PDZRN4: variants seen among roughly 807,000 people sequenced by gnomAD.
PDZRN4 encodes the protein PDZ domain containing ring finger 4.
A neutral mutation model predicts 99.0 loss-of-function variants in PDZRN4; 70 were observed. The observed-to-expected ratio is 0.71, with a 90% CI of 0.58 to 0.86. The LOEUF (loss-of-function observed/expected upper bound fraction) is 0.86. PDZRN4 is among the 40% of genes least tolerant of loss of function. The pLI is 0.00. For synonymous variants in PDZRN4, 551 were observed against 501.6 expected, an observed-to-expected ratio of 1.10 and a Z score of -1.32; for missense variants, 1,474 against 1,331.2, an observed-to-expected ratio of 1.11 and a Z score of -1.67.
intron 5 of PDZRN4, among the ~76,000 whole-genome samples, chr12:41,512,527 G>A (rs1284986495): frequency 6.6e-6 from 1 of 152,042 alleles, no homozygotes; most frequent in Non-Finnish European, 1.5e-5. Flanking sequence ...ACAAGGAGTA[G>A]CAAAGAGACC....
chr12:41,312,278 C>A (rs1475032579), intron 3 of PDZRN4, among the ~76,000 whole-genome samples: 3 of 150,000 alleles, frequency 2.0e-5, no homozygotes, highest in South Asian at 2.1e-4. Context: ...AAAAAAAAAA[C>A]ACACATACAC....
intron 3 of PDZRN4, among the ~76,000 whole-genome samples, chr12:41,397,946 G>A (rs78565178): frequency 0.012 from 1,807 of 152,140 alleles, 41 homozygotes; most frequent in African/African-American, 0.041. Context: ...AAAAAAATAG[G>A]CATTAGAGTC....
intron 7 of PDZRN4, among the ~76,000 whole-genome samples, chr12:41,563,196 C>T (rs1939303013): frequency 6.6e-6 from 1 of 152,102 alleles, no homozygotes; most frequent in Non-Finnish European, 1.5e-5. Context: ...TCCTTCTTCC[C>T]CCAGCACTAT....
intron 3 of PDZRN4, among the ~76,000 whole-genome samples, chr12:41,498,177 C>T (rs2120650467): frequency 1.3e-5 from 2 of 151,964 alleles, no homozygotes; most frequent in Middle Eastern, 3.4e-3. Flanking sequence ...TTAACATCAC[C>T]AGTAATAGAC....
intron 3 of PDZRN4, among the ~76,000 whole-genome samples, chr12:41,461,913 A>AC (rs1256803712): frequency 6.6e-6 from 1 of 151,584 alleles, no homozygotes; most frequent in African/African-American, 2.4e-5. Context: ...CTCTCACCCA[A>AC]CCCCCCATGC....
chr12:41,339,061 GA>G (rs904157722), intron 3 of PDZRN4, among the ~76,000 whole-genome samples: 5 of 147,574 alleles, frequency 3.4e-5, no homozygotes, highest in African/African-American at 1.2e-4. Flanking sequence ...CACAGAAATA[GA>G]AAAAAATTTC....
chr12:41,406,125 T>C (rs572435711), intron 3 of PDZRN4, among the ~76,000 whole-genome samples: 4 of 152,136 alleles, frequency 2.6e-5, no homozygotes, highest in Non-Finnish European at 5.9e-5. Flanking sequence ...TAAAAAACAT[T>C]AAATGTATCC....
intron 3 of PDZRN4, among the ~76,000 whole-genome samples, chr12:41,488,256 A>G (rs187755211): frequency 4.9e-4 from 74 of 152,326 alleles, no homozygotes; most frequent in African/African-American, 1.6e-3. Flanking sequence ...AGAAGAGCAC[A>G]TGGAATCTCG....
chr12:41,389,386 G>C (rs546059306), intron 3 of PDZRN4, among the ~76,000 whole-genome samples: 2 of 152,104 alleles, frequency 1.3e-5, no homozygotes, highest in Non-Finnish European at 2.9e-5. Flanking sequence ...TGTAACAAAA[G>C]ATGATCTGCA....
At chr12:41,344,817 AT>A (rs1453554775) in intron 3 of PDZRN4, among the ~76,000 whole-genome samples, 1 of 149,528 alleles carries the variant, frequency 6.7e-6, no homozygotes, top group African/African-American at 2.4e-5. Flanking sequence ...TAGGGATATA[AT>A]TTTGATTTAA....
At chr12:41,566,581 G>A (rs1028993743) in intron 8 of PDZRN4, among the ~76,000 whole-genome samples, 3 of 151,918 alleles carry the variant, frequency 2.0e-5, no homozygotes, top group Admixed American at 1.3e-4. Context: ...TAAGTTTGAG[G>A]TCATTTAAGT....
Position 41,188,386 on chromosome 12 carries a change from C to T in PDZRN4, c.-70C>T, listed in dbSNP as rs2120618930. The T allele has an allele frequency of 7.1e-7, 1 of 1,400,408 alleles. No individual in the cohort carries two copies. Among genetic ancestry groups the T allele is most frequent in the East Asian group, 2.7e-5 (1 of 37,314 alleles). 86.7% of individuals were successfully genotyped at this position (1,400,408 alleles called of 1,614,324 possible). Reference sequence around the variant, plus strand: ...GCGAGACGGCTGCCCCGGGGGTGGCCCGGGGAAGGCAGGGGGGCTCGGAGA... The same window carrying T: ...GCGAGACGGCTGCCCCGGGGGTGGCTCGGGGAAGGCAGGGGGGCTCGGAGA... On this transcript the variant is annotated 5_prime_UTR_variant, in exon 1 of 10. Transcript: ENST00000402685.
chr12:41,421,008 T>A (rs1428935187), intron 3 of PDZRN4, among the ~76,000 whole-genome samples: 2 of 152,146 alleles, frequency 1.3e-5, no homozygotes, highest in Admixed American at 1.3e-4. Context: ...AGACACTCAG[T>A]CTTGCAAATG....
intron 5 of PDZRN4, among the ~76,000 whole-genome samples, chr12:41,515,081 C>T (rs1350488591): frequency 3.3e-5 from 5 of 152,030 alleles, no homozygotes; most frequent in East Asian, 1.9e-4. Context: ...GGGAAATAAG[C>T]GCTTCCCCCA....
At chr12:41,320,626 G>A (rs1358921211) in intron 3 of PDZRN4, among the ~76,000 whole-genome samples, 1 of 152,142 alleles carries the variant, frequency 6.6e-6, no homozygotes. Flanking sequence ...TTGACCTCAG[G>A]CTGTCCTGCA....
intron 3 of PDZRN4, among the ~76,000 whole-genome samples, chr12:41,489,245 G>A (rs1937834715): frequency 6.6e-6 from 1 of 152,022 alleles, no homozygotes; most frequent in Non-Finnish European, 1.5e-5. Context: ...GACATTTTTG[G>A]AGATGTTTTG....
At chr12:41,307,434 C>A (rs1181294911) in intron 3 of PDZRN4, among the ~76,000 whole-genome samples, 2 of 152,054 alleles carry the variant, frequency 1.3e-5, no homozygotes, top group Non-Finnish European at 2.9e-5. Flanking sequence ...GGGACTAATC[C>A]CATCACAAGG....
At chr12:41,374,160 T>C (rs1211137162) in intron 3 of PDZRN4, among the ~76,000 whole-genome samples, 1 of 127,852 alleles carries the variant, frequency 7.8e-6, no homozygotes, top group Non-Finnish European at 1.8e-5. Flanking sequence ...TGAAAATGCC[T>C]GAGGTACATG....
intron 3 of PDZRN4, among the ~76,000 whole-genome samples, chr12:41,375,145 G>A (rs1952069976): frequency 1.3e-5 from 2 of 152,076 alleles, no homozygotes; most frequent in Non-Finnish European, 2.9e-5. Context: ...GATGACTACA[G>A]CCTCAGTCTA....
Sources: gnomAD v4.1 joint callset for allele counts (sites outside exome capture counted in the v4.1 genomes callset) on GRCh38, gnomAD v4.1.1 for gene constraint, MANE v1.5 for transcripts, NCBI Gene and HGNC (gene_info 2026-07-23, HGNC 2026-07-21) for gene names.